Variants in CAB39 observed in about 807,000 individuals in gnomAD.
CAB39 encodes calcium binding protein 39.
In CAB39, 8 loss-of-function variants were observed where a neutral mutation model predicts 40.0. That is an observed-to-expected ratio of 0.20 (90% CI 0.12 to 0.36). CAB39 has a LOEUF of 0.36. CAB39 is among the 10% of genes least tolerant of loss of function. The pLI, the probability that CAB39 is intolerant of heterozygous loss-of-function variation, is 1.00. For missense variants in CAB39, 270 were observed against 401.1 expected (o/e 0.67, Z 2.79); for synonymous variants, 156 against 141.6 (o/e 1.10, Z -0.72).
intron 2 of CAB39, chr2:230,779,228 T>A (rs766605152): frequency 3.3e-5 from 5 of 152,214 alleles, no homozygotes; most frequent in Non-Finnish European, 5.9e-5. Context: ...ACCTCTCAAC[T>A]CAGAGCCTTG....
At chr2:230,764,132 AAAAC>A (rs1441785295) in intron 2 of CAB39, among the ~76,000 whole-genome samples, 2 of 152,168 alleles carry the variant, frequency 1.3e-5, no homozygotes, top group Non-Finnish European at 2.9e-5. Flanking sequence ...AAACAAAAAA[AAAAC>A]AAAACAAAGA....
chr2:230,741,932 TA>T, intron 1 of CAB39, among the ~76,000 whole-genome samples: 1 of 152,200 alleles, frequency 6.6e-6, no homozygotes, highest in Non-Finnish European at 1.5e-5. Context: ...AGCAGTGCTA[TA>T]ATGAAAGCAG....
At chr2:230,727,938 A>G (rs138326232) in intron 1 of CAB39, among the ~76,000 whole-genome samples, 1 of 152,276 alleles carries the variant, frequency 6.6e-6, no homozygotes, top group African/African-American at 2.4e-5. Flanking sequence ...TACCAAATTC[A>G]TGTTACAAAA....
rs528887534 is a variant in CAB39, at chr2:230,799,774, T to G, written c.567+877T>G. Reference sequence around the variant, plus strand: ...AAGAGGCTGAGGCGGGCGGATGACCTGAGGTCGGGAGTTCGAGACCAGCCT... The same window carrying G: ...AAGAGGCTGAGGCGGGCGGATGACCGGAGGTCGGGAGTTCGAGACCAGCCT... On this transcript the variant is annotated intron_variant, in intron 5 of 8. Transcript: ENST00000258418. Among the ~76,000 whole-genome samples, 243 of 152,252 alleles carry G rather than the reference T, an allele frequency of 1.6e-3. 2 individuals are homozygous for G. Among genetic ancestry groups the G allele is most frequent in the African/African-American group, 5.7e-3 (235 of 41,562 alleles).
intron 1 of CAB39, among the ~76,000 whole-genome samples, chr2:230,753,743 CAAAA>C (rs60868418): frequency 2.3e-5 from 2 of 85,524 alleles, no homozygotes; most frequent in African/African-American, 3.8e-5. Flanking sequence ...GACTCCATCT[CAAAA>C]AAAAAAAAAA....
At chr2:230,766,716 A>T (rs1695392421) in intron 2 of CAB39, among the ~76,000 whole-genome samples, 1 of 152,134 alleles carries the variant, frequency 6.6e-6, no homozygotes, top group Non-Finnish European at 1.5e-5. Flanking sequence ...TTTTGTAGAG[A>T]CCGAGTCTCA....
chr2:230,737,226 G>A (rs1384148353), intron 1 of CAB39, among the ~76,000 whole-genome samples: 1 of 152,132 alleles, frequency 6.6e-6, no homozygotes, highest in Admixed American at 6.5e-5. Flanking sequence ...TGTTTGGGCT[G>A]AAGAGAAGAT....
intron 1 of CAB39, among the ~76,000 whole-genome samples, chr2:230,727,363 CGTGTGTGTGTGTGTGTGTGTGT>C (rs10542723): frequency 6.3e-5 from 8 of 126,948 alleles, no homozygotes; most frequent in Non-Finnish European, 1.3e-4. Context: ...GATTGTTAAC[CGTGTGTGTGTGTGTGTGTGTGT>C]GTGTGTGTGT....
intron 5 of CAB39, among the ~76,000 whole-genome samples, chr2:230,800,704 T>C (rs1401052826): frequency 6.6e-6 from 1 of 151,968 alleles, no homozygotes; most frequent in Non-Finnish European, 1.5e-5. Flanking sequence ...TGAGCAGCAG[T>C]GGTGTGGGAG....
At chr2:230,777,423 GTT>G (rs879923497) in intron 2 of CAB39, among the ~76,000 whole-genome samples, 2 of 126,144 alleles carry the variant, frequency 1.6e-5, no homozygotes, top group Admixed American at 8.0e-5. Context: ...TCTCAATTTT[GTT>G]TTTTTTTTTT....
At chr2:230,763,346 C>G (rs1313573894) in intron 2 of CAB39, among the ~76,000 whole-genome samples, 1 of 152,090 alleles carries the variant, frequency 6.6e-6, no homozygotes, top group Non-Finnish European at 1.5e-5. Context: ...AATTCTGACA[C>G]CCTGGGAGGC....
intron 1 of CAB39, 46 bp from the exon 2 acceptor site, chr2:230,759,913 C>A: frequency 1.6e-6 from 1 of 641,714 alleles, no homozygotes; most frequent in Non-Finnish European, 2.8e-6. Flanking sequence ...GTCTGTCTTC[C>A]GTTGATCCCA....
At chr2:230,772,441 G>T (rs1235948891) in intron 2 of CAB39, among the ~76,000 whole-genome samples, 3 of 152,040 alleles carry the variant, frequency 2.0e-5, no homozygotes, top group Admixed American at 1.3e-4. Context: ...GGAACTGCTT[G>T]TGGGAATATA....
chr2:230,733,351 G>T (rs1694728945), intron 1 of CAB39, among the ~76,000 whole-genome samples: 1 of 152,018 alleles, frequency 6.6e-6, no homozygotes, highest in Non-Finnish European at 1.5e-5. Context: ...TGTCGTATCA[G>T]GTCCTCGGAT....
At position 230,742,701 on chromosome 2, in the gene CAB39, A is replaced by T. The variant is rs546882438; in HGVS notation, c.-43-17258A>T. Among the ~76,000 whole-genome samples, 36 of 152,342 alleles carry T rather than the reference A, an allele frequency of 2.4e-4. No homozygotes were observed. In the East Asian group the frequency reaches 6.9e-3, roughly 29 times the overall value. ...GTACAATTTCAGTAAGAAAATACAA[A>T]TGGAAGTATGTTCATTGTCATTAAT... On this transcript the variant is annotated intron_variant, in intron 1 of 8. Coordinates refer to ENST00000258418, the MANE Select transcript of CAB39 (RefSeq NM_016289.4).
Position 230,759,668 on chromosome 2 carries a change from C to T in CAB39, c.-43-291C>T, listed in dbSNP as rs545085465. On this transcript the variant is annotated intron_variant, in intron 1 of 8. Coordinates refer to ENST00000258418, the MANE Select transcript of CAB39 (RefSeq NM_016289.4). ...TGTGAGTGGGAGCTGCTGCTCTCTA[C>T]CTCAGCAGCATCAGTCAGCATGTTC... is the stretch of plus-strand genomic sequence containing the variant. Among the ~76,000 whole-genome samples, 73 of 152,304 alleles carry T rather than the reference C, an allele frequency of 4.8e-4. 1 individual carries two copies. The South Asian group carries it at 7.5e-3, about 16-fold the overall frequency.
At chr2:230,798,657 G>A in intron 4 of CAB39, 72 bp from the exon 5 acceptor site, 1 of 1,303,806 alleles carries the variant, frequency 7.7e-7, no homozygotes, top group South Asian at 1.5e-5. Context: ...CTGAAAGTTT[G>A]AACTGTTCAG....
chr2:230,728,843 G>T (rs1323975107), intron 1 of CAB39, among the ~76,000 whole-genome samples: 2 of 152,078 alleles, frequency 1.3e-5, no homozygotes, highest in African/African-American at 4.8e-5. Flanking sequence ...GAACTCCTGG[G>T]CTCAAGCAGT....
Position 230,820,282 on chromosome 2 carries a change from A to G in CAB39, c.*1578A>G, listed in dbSNP as rs1414464875. Reference sequence around the variant, plus strand: ...TAGCCTCTCTTACTAATGGAATTATATACTGGCCAGTAAAATGGGCCTCCC... The same window carrying G: ...TAGCCTCTCTTACTAATGGAATTATGTACTGGCCAGTAAAATGGGCCTCCC... On this transcript the variant is annotated 3_prime_UTR_variant, in exon 9 of 9. Coordinates refer to ENST00000258418, the MANE Select transcript of CAB39 (RefSeq NM_016289.4). The G allele has an allele frequency of 2.0e-5, 3 of 152,274 alleles. No homozygotes were observed. Among genetic ancestry groups the G allele is most frequent in the Non-Finnish European group, 4.4e-5 (3 of 68,048 alleles). The allele number at this position is 152,274 out of a possible 1,614,324, so 9.4% of individuals were successfully genotyped here.
Sources: allele counts gnomAD v4.1 joint callset (sites outside exome capture counted in the v4.1 genomes callset), GRCh38; gene constraint gnomAD v4.1.1; transcripts MANE v1.5; gene names NCBI Gene and HGNC (gene_info 2026-07-23, HGNC 2026-07-21).